The following SPRED1 variants were observed in gnomAD, a reference collection of about 807,000 sequenced individuals.
SPRED1 encodes sprouty related EVH1 domain containing 1, also known as sprouty-related, EVH1 domain-containing protein 1.
A neutral mutation model predicts 52.3 loss-of-function variants in SPRED1; 18 were observed. The ratio of observed to expected loss-of-function variants is 0.34; its 90% CI spans 0.24 to 0.51. The LOEUF (loss-of-function observed/expected upper bound fraction) is 0.51. SPRED1 is among the 20% of genes least tolerant of loss of function. The pLI, the probability that SPRED1 is intolerant of heterozygous loss-of-function variation, is 0.97. For missense variants in SPRED1, 485 were observed against 551.0 expected (o/e 0.88, Z 1.20); for synonymous variants, 155 against 179.7 (o/e 0.86, Z 1.10).
At chr15:38,293,118 T>TTTTTTTTTTTG (rs1595729912) in intron 1 of SPRED1, among the ~76,000 whole-genome samples, 1 of 146,178 alleles carries the variant, frequency 6.8e-6, no homozygotes, top group East Asian at 2.0e-4. Context: ...TTTTTTTTTT[T>TTTTTTTTTTTG]GAGACGGAGT....
chr15:38,260,813 C>A (rs1894190713), intron 1 of SPRED1, among the ~76,000 whole-genome samples: 1 of 152,092 alleles, frequency 6.6e-6, no homozygotes, highest in Non-Finnish European at 1.5e-5. Context: ...AGGCTAAAAT[C>A]TTCTGCAATG....
chr15:38,276,210 G>GTTT (rs536478144), intron 1 of SPRED1, among the ~76,000 whole-genome samples: 2 of 121,230 alleles, frequency 1.6e-5, no homozygotes, highest in African/African-American at 3.0e-5. Context: ...TGCTGTGAAT[G>GTTT]TTTTTTTTTT....
At chr15:38,350,981 C>T (rs777593473) in intron 6 of SPRED1, 33 bp from the exon 7 acceptor site, 2 of 1,598,106 alleles carry the variant, frequency 1.3e-6, no homozygotes, top group Non-Finnish European at 1.7e-6. Flanking sequence ...CCATCATAGC[C>T]CTCATTGCAG....
chr15:38,327,925 C>A (rs1223213044), intron 4 of SPRED1, among the ~76,000 whole-genome samples: 2 of 152,142 alleles, frequency 1.3e-5, no homozygotes, highest in Non-Finnish European at 2.9e-5. Flanking sequence ...TTCAGAGTTA[C>A]AACTGCAAAA....
intron 4 of SPRED1, among the ~76,000 whole-genome samples, chr15:38,330,810 G>C (rs1409861208): frequency 6.6e-6 from 1 of 152,090 alleles, no homozygotes; most frequent in African/African-American, 2.4e-5. Context: ...TGATGTTCTT[G>C]AGCAGTATGT....
rs1888474154 is a variant in SPRED1 at position 38,351,133 on chromosome 15, A to G, written c.804A>G (p.Lys268=). ...ACTACAGACATCCTGACATGTGGAA[A>G]AATGACTTGGAAAGAGATGATGCTG... ...YADYRHPDMW[K]NDLERDDADS... The change falls in exon 7 of 7, where the codon AAA becomes AAG. Residue 268 remains lysine, a synonymous_variant. Coordinates refer to ENST00000299084, the MANE Select transcript of SPRED1 (RefSeq NM_152594.3). The G allele has an allele frequency of 1.2e-6, 2 of 1,614,024 alleles. No individual in the cohort carries two copies.
At chr15:38,313,752 T>C (rs993266411) in intron 2 of SPRED1, among the ~76,000 whole-genome samples, 2 of 151,774 alleles carry the variant, frequency 1.3e-5, no homozygotes, top group African/African-American at 4.8e-5. Context: ...TCTTAATACA[T>C]TTTTGGGTTT....
intron 5 of SPRED1, among the ~76,000 whole-genome samples, chr15:38,342,186 A>G (rs1243762153): frequency 1.3e-5 from 2 of 151,770 alleles, no homozygotes; most frequent in African/African-American, 2.4e-5. Flanking sequence ...TTATTCAAAT[A>G]TATTTAACTA....
intron 2 of SPRED1, among the ~76,000 whole-genome samples, chr15:38,301,036 G>T (rs961720752): frequency 6.6e-5 from 10 of 152,140 alleles, no homozygotes; most frequent in Admixed American, 2.0e-4. Context: ...TGGATTAAGA[G>T]AGAAAAATGC....
intron 6 of SPRED1, among the ~76,000 whole-genome samples, chr15:38,350,264 G>T (rs28500685): frequency 0.21 from 32,353 of 151,958 alleles, 3,975 homozygotes; most frequent in Non-Finnish European, 0.27. Context: ...GCCCTCACAT[G>T]GTCTTTCCTC....
chr15:38,268,141 A>C (rs999733750), intron 1 of SPRED1: 1 of 152,254 alleles, frequency 6.6e-6, no homozygotes, highest in Non-Finnish European at 1.5e-5. Flanking sequence ...TGAAAAAGCA[A>C]TGATGTAATA....
At chr15:38,293,098 A>AATT (rs1566857726) in intron 1 of SPRED1, among the ~76,000 whole-genome samples, 1 of 20,208 alleles carries the variant, frequency 4.9e-5, no homozygotes, top group Admixed American at 8.0e-4. Context: ...CAAGATTACA[A>AATT]CTTTTTTTTT....
chr15:38,275,935 C>T (rs1347000329), intron 1 of SPRED1, among the ~76,000 whole-genome samples: 2 of 152,192 alleles, frequency 1.3e-5, no homozygotes, highest in African/African-American at 4.8e-5. Flanking sequence ...GTTCTTTCCA[C>T]TTACTCTCCT....
chr15:38,313,781 A>T (rs1013174124), intron 2 of SPRED1, among the ~76,000 whole-genome samples: 5 of 151,802 alleles, frequency 3.3e-5, no homozygotes, highest in African/African-American at 1.2e-4. Flanking sequence ...CATTTTTAAC[A>T]TTTTAAATTG....
Position 38,356,508 on chromosome 15 carries a change from A to C in SPRED1, c.*4844A>C, listed in dbSNP as rs1017706503. The C allele has an allele frequency of 6.6e-6, 1 of 152,128 alleles. No homozygotes were observed. The highest frequency in any genetic ancestry group is 6.5e-5 in the Admixed American group (1 of 15,280). The allele number at this position is 152,128 out of a possible 1,614,324, so 9.4% of individuals were successfully genotyped here. A position where few individuals can be genotyped will look rare whatever the true frequency, so the allele number is the denominator to read the frequency against. Reference sequence around the variant, plus strand: ...CTTATCAAATTATCACATAAGAGATAATTACTGGAGGAGAAAGTAAAAATG... The same window carrying C: ...CTTATCAAATTATCACATAAGAGATCATTACTGGAGGAGAAAGTAAAAATG... On this transcript the variant is annotated 3_prime_UTR_variant, in exon 7 of 7. Coordinates refer to ENST00000299084, the MANE Select transcript of SPRED1 (RefSeq NM_152594.3).
intron 2 of SPRED1, among the ~76,000 whole-genome samples, chr15:38,319,818 T>A (rs1895565399): frequency 6.6e-6 from 1 of 152,248 alleles, no homozygotes; most frequent in Non-Finnish European, 1.5e-5. Flanking sequence ...TAAAACTTAC[T>A]ACCAAGAATT....
chr15:38,262,200 T>G (rs565541980), intron 1 of SPRED1, among the ~76,000 whole-genome samples: 1 of 152,332 alleles, frequency 6.6e-6, no homozygotes, highest in African/African-American at 2.4e-5. Context: ...GAAATTCAGT[T>G]CAGTGGCATT....
chr15:38,323,726 A>G (rs572333936), intron 3 of SPRED1, among the ~76,000 whole-genome samples: 155 of 152,222 alleles, frequency 1.0e-3, no homozygotes, highest in Non-Finnish European at 1.8e-3. Flanking sequence ...TTTTTTGACA[A>G]TTCCTCAGTT....
intron 1 of SPRED1, among the ~76,000 whole-genome samples, chr15:38,256,803 A>G (rs966214595): frequency 1.4e-5 from 2 of 148,056 alleles, no homozygotes; most frequent in East Asian, 3.8e-4. Context: ...ACGTATGTAT[A>G]TGTATGTACA....
Sources: allele counts gnomAD v4.1 joint callset (sites outside exome capture counted in the v4.1 genomes callset), GRCh38; gene constraint gnomAD v4.1.1; transcripts MANE v1.5; gene names NCBI Gene and HGNC (gene_info 2026-07-23, HGNC 2026-07-21).